CREB5: variants seen among roughly 807,000 people sequenced by gnomAD.
CREB5 encodes cAMP responsive element binding protein 5, also known as cyclic AMP-responsive element-binding protein 5.
CREB5 carries 19 observed loss-of-function variants against 57.1 expected under a neutral mutation model. The observed-to-expected ratio is 0.33, with a 90% CI of 0.23 to 0.49. CREB5 has a LOEUF of 0.49. Ranked by LOEUF, CREB5 falls within the 20% of genes least tolerant of loss-of-function variation. CREB5 has a pLI of 0.99. For missense variants in CREB5, 579 were observed against 671.6 expected (o/e 0.86, Z 1.52); for synonymous variants, 238 against 238.3 (o/e 1.00, Z 0.01).
At chr7:28,589,532 C>T (rs1043555200) in intron 5 of CREB5, among the ~76,000 whole-genome samples, 8 of 151,616 alleles carry the variant, frequency 5.3e-5, no homozygotes, top group African/African-American at 7.3e-5. Flanking sequence ...CCAGGCTGGG[C>T]GACAGAGCGA....
At chr7:28,643,490 C>A (rs1264464166) in intron 5 of CREB5, among the ~76,000 whole-genome samples, 2 of 152,176 alleles carry the variant, frequency 1.3e-5, no homozygotes, top group Admixed American at 1.3e-4. Context: ...CCTCCCCCAC[C>A]TTACACAGAT....
At chr7:28,686,795 T>C (rs1395592474) in intron 5 of CREB5, among the ~76,000 whole-genome samples, 1 of 152,250 alleles carries the variant, frequency 6.6e-6, no homozygotes, top group African/African-American at 2.4e-5. Context: ...TCTCTAATTA[T>C]TCACAGACGC....
intron 7 of CREB5, among the ~76,000 whole-genome samples, chr7:28,754,026 A>G (rs985628614): frequency 6.6e-6 from 1 of 151,998 alleles, no homozygotes; most frequent in Non-Finnish European, 1.5e-5. Flanking sequence ...AAATTACAGA[A>G]AGCCAAATAT....
At chr7:28,392,012 T>C (rs1049686978) in intron 1 of CREB5, among the ~76,000 whole-genome samples, 38 of 152,114 alleles carry the variant, frequency 2.5e-4, no homozygotes, top group African/African-American at 8.4e-4. Flanking sequence ...CTTAGCAATG[T>C]AATGGAGGAA....
At chr7:28,566,681 T>C (rs1370265596) in intron 4 of CREB5, among the ~76,000 whole-genome samples, 2 of 152,028 alleles carry the variant, frequency 1.3e-5, no homozygotes, top group African/African-American at 2.4e-5. Context: ...AAAAATCGCC[T>C]TCTCTTAATG....
intron 4 of CREB5, among the ~76,000 whole-genome samples, chr7:28,568,047 G>A (rs1235334728): frequency 6.6e-6 from 1 of 152,164 alleles, no homozygotes; most frequent in African/African-American, 2.4e-5. Context: ...AGTGCATGAA[G>A]GAGAACATTG....
chr7:28,660,381 G>GTTTTTT lies in CREB5; in HGVS notation c.465-58357_465-58352dup, dbSNP rs10696255. ...CAAACTATCATCTATGCATTCAACA[G>GTTTTTT]TTTTTTTTTTTTTTTTTTTTGAGCA... On this transcript the variant is annotated intron_variant, in intron 5 of 10. Coordinates refer to ENST00000357727, the MANE Select transcript of CREB5 (RefSeq NM_182898.4). 9.5e-3 allele frequency among the ~76,000 whole-genome samples: 1,131 copies of GTTTTTT among 119,194 alleles called. 42 individuals carry two copies. The highest frequency in any genetic ancestry group is 0.035 in the African/African-American group (1,066 of 30,322). The allele number at this position is 119,194 out of a possible 152,430, so 78.2% of individuals were successfully genotyped here.
chr7:28,569,421 G>A (rs1252260054), intron 4 of CREB5, among the ~76,000 whole-genome samples: 2 of 152,122 alleles, frequency 1.3e-5, no homozygotes, highest in African/African-American at 4.8e-5. Flanking sequence ...TTCTCTGGGT[G>A]TCTGAGTAAC....
chr7:28,790,462 TAG>T (rs1242699378), intron 7 of CREB5, among the ~76,000 whole-genome samples: 923 of 33,908 alleles, frequency 0.027, 15 homozygotes, highest in African/African-American at 0.12. Context: ...GAGAGAGAGA[TAG>T]AGAGAGAGAG....
At position 28,588,504 on chromosome 7, in the gene CREB5, G is replaced by C. The variant is rs77947609; in HGVS notation, c.464+17967G>C. On this transcript the variant is annotated intron_variant, in intron 5 of 10. Coordinates refer to ENST00000357727, the MANE Select transcript of CREB5 (RefSeq NM_182898.4). ...TTGAAAGAGACATCACATATGTGCA[G>C]CTTCTTAATTTAAACAGCAAGAGAT... Among the ~76,000 whole-genome samples the C allele has an allele frequency of 1.5e-3, 226 of 152,316 alleles. 2 individuals carry two copies. Among genetic ancestry groups the C allele is most frequent in the African/African-American group, 5.2e-3 (216 of 41,564 alleles).
At chr7:28,721,853 C>T (rs994322208) in intron 6 of CREB5, among the ~76,000 whole-genome samples, 5 of 152,280 alleles carry the variant, frequency 3.3e-5, no homozygotes, top group Non-Finnish European at 1.5e-5. Context: ...AATTACAAAA[C>T]CTCACTGAAC....
chr7:28,349,233 C>T (rs1265040087), intron 1 of CREB5, among the ~76,000 whole-genome samples: 1 of 152,114 alleles, frequency 6.6e-6, no homozygotes, highest in East Asian at 1.9e-4. Context: ...TAGTTATAAC[C>T]TTATAAGGAA....
intron 1 of CREB5, among the ~76,000 whole-genome samples, chr7:28,422,019 C>G (rs1474634474): frequency 6.6e-6 from 1 of 151,848 alleles, no homozygotes; most frequent in East Asian, 1.9e-4. Context: ...CCACACTTCA[C>G]AGTAACACTG....
At chr7:28,595,788 C>T (rs951934473) in intron 5 of CREB5, among the ~76,000 whole-genome samples, 7 of 152,120 alleles carry the variant, frequency 4.6e-5, no homozygotes, top group African/African-American at 1.7e-4. Context: ...ATTTCAGACC[C>T]ATTTTGCACA....
At chr7:28,531,549 T>C (rs915625475) in intron 4 of CREB5, among the ~76,000 whole-genome samples, 1 of 152,150 alleles carries the variant, frequency 6.6e-6, no homozygotes, top group Non-Finnish European at 1.5e-5. Context: ...ACTAATTACA[T>C]CTGTGATGAC....
intron 5 of CREB5, among the ~76,000 whole-genome samples, chr7:28,634,931 G>C (rs1467021455): frequency 3.3e-5 from 5 of 152,168 alleles, no homozygotes; most frequent in Non-Finnish European, 7.3e-5. Flanking sequence ...TTGCCTGCAA[G>C]TAACGAAAAA....
At chr7:28,507,227 AT>A (rs5883140) in intron 3 of CREB5, among the ~76,000 whole-genome samples, 31,404 of 151,474 alleles carry the variant, frequency 0.21, 3,663 homozygotes, top group African/African-American at 0.31. Context: ...ATTGGGTCAG[AT>A]TTTTTTTTGG....
intron 3 of CREB5, among the ~76,000 whole-genome samples, chr7:28,500,204 T>G (rs1340280367): frequency 6.6e-6 from 1 of 152,110 alleles, no homozygotes; most frequent in Non-Finnish European, 1.5e-5. Context: ...TAAATAAGTA[T>G]CAGTTAGTGA....
At chr7:28,764,563 G>T (rs767263476) in intron 7 of CREB5, among the ~76,000 whole-genome samples, 1 of 152,112 alleles carries the variant, frequency 6.6e-6, no homozygotes, top group Non-Finnish European at 1.5e-5. Flanking sequence ...ATTTGATTTC[G>T]GTGGGTTGAA....
Sources: gnomAD v4.1 joint callset for allele counts (sites outside exome capture counted in the v4.1 genomes callset) on GRCh38, gnomAD v4.1.1 for gene constraint, MANE v1.5 for transcripts, NCBI Gene and HGNC (gene_info 2026-07-23, HGNC 2026-07-21) for gene names.